AAK1: variants seen among roughly 807,000 people sequenced by gnomAD.
AAK1 encodes the protein AP2-associated protein kinase 1.
In AAK1, 37 loss-of-function variants were observed where a neutral mutation model predicts 116.0. The observed-to-expected ratio is 0.32, with a 90% CI of 0.25 to 0.42. The LOEUF is 0.42. AAK1 is among the 10% of genes least tolerant of loss of function. The pLI, the probability that AAK1 is intolerant of heterozygous loss-of-function variation, is 1.00. For synonymous variants in AAK1, 458 were observed against 439.9 expected (o/e 1.04, Z -0.51); for missense variants, 919 against 1,170.6 (o/e 0.79, Z 3.14).
Position 69,556,926 on chromosome 2 carries a change from G to A in AAK1, c.216C>T (p.Ala72=), listed in dbSNP as rs370497782. ...CATTGTTGACAAACATGCGTTTCAAGGCACATTTCATCCCATTGCTTGTCC... is the reference window on the plus strand; with the variant it reads ...CATTGTTGACAAACATGCGTTTCAAAGCACATTTCATCCCATTGCTTGTCC... ...LVRTSNGMKC[A]LKRMFVNNEH... The change falls in exon 3 of 22, where the codon GCC becomes GCT. Residue 72 remains alanine, a synonymous_variant. Transcript: ENST00000409085. 9.9e-6 allele frequency: 16 copies of A among 1,613,832 alleles called. No homozygotes were observed. The African/African-American group carries it at 2.1e-4, about 22-fold the overall frequency.
intron 19 of AAK1, among the ~76,000 whole-genome samples, chr2:69,480,477 C>G (rs1675043853): frequency 6.6e-6 from 1 of 152,120 alleles, no homozygotes; most frequent in Admixed American, 6.5e-5. Flanking sequence ...CCACGGACAT[C>G]ACTGGCATTG....
intron 2 of AAK1, among the ~76,000 whole-genome samples, chr2:69,623,411 C>G (rs1016389405): frequency 1.3e-5 from 2 of 152,186 alleles, no homozygotes; most frequent in African/African-American, 2.4e-5. Context: ...AGTCTTGAAC[C>G]TGGATCATGT....
rs189602834 is a variant in AAK1, at chr2:69,483,629, A to T, written c.2366-817T>A. Among the ~76,000 whole-genome samples, 17 of 152,290 alleles carry T rather than the reference A, an allele frequency of 1.1e-4. No individual in the cohort carries two copies. The East Asian group carries it at 2.5e-3, about 22-fold the overall frequency. On this transcript the variant is annotated intron_variant, in intron 17 of 21. Coordinates refer to ENST00000409085, the MANE Select transcript of AAK1 (RefSeq NM_014911.5). ...GGGTTGGGGGGGACTTTATTTAGAA[A>T]CAGTTTATAACTCACCAAGATAATC...
At position 69,500,769 on chromosome 2, in the gene AAK1, G is replaced by A. The variant is rs571304222; in HGVS notation, c.2270-4689C>T. On this transcript the variant is annotated intron_variant, in intron 16 of 21. Transcript: ENST00000409085. ...GCCTTTGGAGTAAATATAAAGTAGT[G>A]GAAAGGCAGAAACAAAAACAAAATA... is the stretch of plus-strand genomic sequence containing the variant. 3.5e-4 allele frequency among the ~76,000 whole-genome samples: 50 copies of A among 142,750 alleles called. 1 individual carries two copies. In the South Asian group the frequency reaches 0.011, roughly 31 times the overall value. 93.6% of individuals were successfully genotyped at this position (142,750 alleles called of 152,430 possible).
At chr2:69,534,251 C>G (rs1047260993) in intron 5 of AAK1, among the ~76,000 whole-genome samples, 1 of 152,166 alleles carries the variant, frequency 6.6e-6, no homozygotes, top group Non-Finnish European at 1.5e-5. Context: ...ATAGTTGGTA[C>G]AGCTGGGAAG....
intron 2 of AAK1, among the ~76,000 whole-genome samples, chr2:69,623,041 C>G (rs1247496736): frequency 6.6e-6 from 1 of 152,100 alleles, no homozygotes; most frequent in African/African-American, 2.4e-5. Flanking sequence ...CCCTTCCACA[C>G]CGTGGAAGCT....
At position 69,471,552 on chromosome 2, in the gene AAK1, T is replaced by A; in HGVS notation, c.*4317A>T. ...TCTGTTCTGCCAGGCAGCCTCTAATTTGCTTAACCCGGCACACTGGGCAAT... is the reference window on the plus strand; with the variant it reads ...TCTGTTCTGCCAGGCAGCCTCTAATATGCTTAACCCGGCACACTGGGCAAT... On this transcript the variant is annotated 3_prime_UTR_variant, in exon 22 of 22. Transcript: ENST00000409085. 1 of 985,434 alleles carries A rather than the reference T, an allele frequency of 1.0e-6. No individual in the cohort carries two copies. The highest frequency in any genetic ancestry group is 1.1e-4 in the East Asian group (1 of 8,820). 61.0% of individuals were successfully genotyped at this position (985,434 alleles called of 1,614,324 possible).
chr2:69,634,890 CCA>C (rs1393395593), intron 2 of AAK1, among the ~76,000 whole-genome samples: 1 of 152,110 alleles, frequency 6.6e-6, no homozygotes, highest in Non-Finnish European at 1.5e-5. Flanking sequence ...TGGTACAGAA[CCA>C]CTGCTCTAGA....
rs1674333926 is a variant in AAK1, at chr2:69,461,224, T to C, written c.*14645A>G. ...AGTACAGTAACATGCTGTACAGGTTTGTAGCCCAGGAGCAACAGGCTGGAC... is the reference window on the plus strand; with the variant it reads ...AGTACAGTAACATGCTGTACAGGTTCGTAGCCCAGGAGCAACAGGCTGGAC... On this transcript the variant is annotated 3_prime_UTR_variant, in exon 22 of 22. Transcript: ENST00000409085. The C allele has an allele frequency of 6.3e-6, 1 of 159,588 alleles. No homozygotes were observed. The highest frequency in any genetic ancestry group is 1.7e-4 in the South Asian group (1 of 6,058). The allele number at this position is 159,588 out of a possible 1,614,324, so 9.9% of individuals were successfully genotyped here.
rs994718571 is a variant in AAK1, at chr2:69,474,044, C to A, written c.*1825G>T. 1.0e-6 allele frequency: 1 copy of A among 985,800 alleles called. No individual in the cohort carries two copies. The allele number at this position is 985,800 out of a possible 1,614,324, so 61.1% of individuals were successfully genotyped here. A position where few individuals can be genotyped will look rare whatever the true frequency, so the allele number is the denominator to read the frequency against. On this transcript the variant is annotated 3_prime_UTR_variant, in exon 22 of 22. Transcript: ENST00000409085. ...CTAGCTCATCTTGTTTCAGCCAGCA[C>A]GGGAAGTATTTAAAGACAGAAGGAA... is the stretch of plus-strand genomic sequence containing the variant.
At chr2:69,530,813 G>C in intron 6 of AAK1, 107 bp from the exon 7 acceptor site, 2 of 770,246 alleles carry the variant, frequency 2.6e-6, no homozygotes, top group Non-Finnish European at 2.1e-6. Flanking sequence ...ATCCCTGGGA[G>C]CAATCTGCAG....
intron 2 of AAK1, among the ~76,000 whole-genome samples, chr2:69,602,987 C>T (rs1339482340): frequency 6.6e-6 from 1 of 151,948 alleles, no homozygotes; most frequent in African/African-American, 2.4e-5. Flanking sequence ...TCAGGCAGTA[C>T]ATTAAAAGAA....
chr2:69,594,916 C>T (rs1673199381), intron 2 of AAK1: 1 of 1,204,388 alleles, frequency 8.3e-7, no homozygotes, highest in Non-Finnish European at 1.2e-6. Flanking sequence ...AGTTTGCCCA[C>T]TACAGCCACT....
At chr2:69,550,335 T>G (rs1473691460) in intron 3 of AAK1, among the ~76,000 whole-genome samples, 1 of 152,196 alleles carries the variant, frequency 6.6e-6, no homozygotes, top group Non-Finnish European at 1.5e-5. Context: ...AGATGGTATT[T>G]TGCTCTGTCA....
At chr2:69,631,717 C>T (rs1675183057) in intron 2 of AAK1, among the ~76,000 whole-genome samples, 1 of 152,234 alleles carries the variant, frequency 6.6e-6, no homozygotes, top group African/African-American at 2.4e-5. Flanking sequence ...CAGTGGCTCA[C>T]ACCTGTAATT....
intron 16 of AAK1, among the ~76,000 whole-genome samples, chr2:69,505,012 T>C (rs956544269): frequency 2.6e-5 from 4 of 152,198 alleles, no homozygotes; most frequent in African/African-American, 9.6e-5. Flanking sequence ...TTGTCTCTTA[T>C]GATTGCTTCT....
intron 2 of AAK1, among the ~76,000 whole-genome samples, chr2:69,570,507 T>G (rs1672052565): frequency 6.6e-6 from 1 of 152,054 alleles, no homozygotes; most frequent in Admixed American, 6.5e-5. Flanking sequence ...TTTTCTGCCG[T>G]AGAAATGATA....
chr2:69,607,005 G>A (rs1243180939), intron 2 of AAK1, among the ~76,000 whole-genome samples: 1 of 145,044 alleles, frequency 6.9e-6, no homozygotes, highest in Non-Finnish European at 1.5e-5. Context: ...GGCAGAGGTT[G>A]CAGTGAGCCG....
chr2:69,543,291 C>G (rs371631027), intron 4 of AAK1, among the ~76,000 whole-genome samples: 3 of 152,234 alleles, frequency 2.0e-5, no homozygotes, highest in East Asian at 3.8e-4. Flanking sequence ...AGGAAACAAA[C>G]GGTCAAGTTC....
Sources: allele counts gnomAD v4.1 joint callset (sites outside exome capture counted in the v4.1 genomes callset), GRCh38; gene constraint gnomAD v4.1.1; transcripts MANE v1.5; gene names NCBI Gene and HGNC (gene_info 2026-07-23, HGNC 2026-07-21).